Variants in CMTM4 observed in about 807,000 individuals in gnomAD.
CMTM4 encodes CKLF like MARVEL transmembrane domain containing 4, also known as CKLF-like MARVEL transmembrane domain-containing protein 4.
CMTM4 carries 8 observed loss-of-function variants against 19.0 expected under a neutral mutation model. The observed-to-expected ratio is 0.42, with a 90% CI of 0.25 to 0.76. CMTM4 has a LOEUF of 0.76. CMTM4 is among the 30% of genes least tolerant of loss of function. The pLI is 0.27. For missense variants in CMTM4, 228 were observed against 290.2 expected, an observed-to-expected ratio of 0.79 and a Z score of 1.56; for synonymous variants, 106 against 121.1, an observed-to-expected ratio of 0.88 and a Z score of 0.82.
At chr16:66,650,592 T>C (rs769906766) in intron 1 of CMTM4, among the ~76,000 whole-genome samples, 1 of 152,062 alleles carries the variant, frequency 6.6e-6, no homozygotes, top group Non-Finnish European at 1.5e-5. Flanking sequence ...ATATCCCTGG[T>C]CTTAGGGTAT....
chr16:66,608,118 T>A, the CMTM4 span, among the ~76,000 whole-genome samples: 1 of 152,154 alleles, frequency 6.6e-6, no homozygotes, highest in Non-Finnish European at 1.5e-5. The surrounding 1 kb of genome is among the most constrained non-coding windows in gnomAD (Gnocchi z 5.1). Flanking sequence ...AGTGCTAGGA[T>A]TACAGGTGTG....
Position 66,620,031 on chromosome 16 carries a change from G to A in CMTM4, c.*2027C>T, listed in dbSNP as rs1208238499. On this transcript the variant is annotated 3_prime_UTR_variant, in exon 4 of 4. Coordinates refer to ENST00000394106, the MANE Select transcript of CMTM4 (RefSeq NM_181521.3). Reference sequence around the variant, plus strand: ...GATGATCAAGTGGTTTTACTGAAGTGAGCTGGGAAAACTTGGGCAACAAGC... The same window carrying A: ...GATGATCAAGTGGTTTTACTGAAGTAAGCTGGGAAAACTTGGGCAACAAGC... 1.0e-6 allele frequency: 1 copy of A among 985,308 alleles called. No homozygotes were observed. The highest frequency in any genetic ancestry group is 6.1e-5 in the Admixed American group (1 of 16,264). The allele number at this position is 985,308 out of a possible 1,614,324, so 61.0% of individuals were successfully genotyped here.
intron 1 of CMTM4, among the ~76,000 whole-genome samples, chr16:66,671,340 G>A (rs28422092): frequency 0.093 from 14,155 of 152,232 alleles, 912 homozygotes; most frequent in East Asian, 0.25. Context: ...AAGGAGACCT[G>A]TAAGTGATGG....
intron 1 of CMTM4, among the ~76,000 whole-genome samples, chr16:66,662,506 C>CT (rs572497967): frequency 2.6e-5 from 4 of 151,782 alleles, no homozygotes; most frequent in Non-Finnish European, 5.9e-5. Context: ...TTCCTTTTAA[C>CT]TTTTTTTTTC....
chr16:66,680,218 C>T (rs1228425089), intron 1 of CMTM4, among the ~76,000 whole-genome samples: 1 of 152,150 alleles, frequency 6.6e-6, no homozygotes, highest in African/African-American at 2.4e-5. Context: ...GTGGCTCATG[C>T]CTATAATCTC....
chr16:66,687,138 C>CTTTTTTTTTTTTTTTTTT (rs35098269), intron 1 of CMTM4, among the ~76,000 whole-genome samples: 1 of 131,304 alleles, frequency 7.6e-6, no homozygotes, highest in Non-Finnish European at 1.6e-5. Flanking sequence ...GTGCAGAATG[C>CTTTTTTTTTTTTTTTTTT]TTTTTTTTTT....
intron 2 of CMTM4, among the ~76,000 whole-genome samples, chr16:66,626,809 T>C (rs373723626): frequency 6.1e-5 from 9 of 147,592 alleles, no homozygotes; most frequent in East Asian, 2.1e-4. Context: ...AAAAAGAAAA[T>C]CATATTGGGG....
At chr16:66,609,426 T>G in the CMTM4 span, 1 of 1,610,912 alleles carries the variant, frequency 6.2e-7, no homozygotes, top group Non-Finnish European at 8.5e-7. This position sits in a 1 kb window ranked among gnomAD's most constrained non-coding sequence, Gnocchi z 4.4. Flanking sequence ...CATGCCCCTC[T>G]CTCCCCAGGA....
In CMTM4 at chr16:66,696,558, T is replaced by C; in HGVS notation, c.-33A>G. The C allele has an allele frequency of 2.6e-6, 3 of 1,150,878 alleles. No homozygotes were observed. Among genetic ancestry groups the C allele is most frequent in the Non-Finnish European group, 3.2e-6 (3 of 936,062 alleles). 71.3% of individuals were successfully genotyped at this position (1,150,878 alleles called of 1,614,324 possible). On this transcript the variant is annotated 5_prime_UTR_variant, in exon 1 of 4. Coordinates refer to ENST00000394106, the MANE Select transcript of CMTM4 (RefSeq NM_181521.3). The surrounding 1 kb of genome is among the most constrained non-coding windows in gnomAD (Gnocchi z 4.3). Reference sequence around the variant, plus strand: ...CCCGGCCCGGGCCGCCTCGCGCGGCTGGCTCCCGGCGCCAGGAGCGGGCGG... The same window carrying C: ...CCCGGCCCGGGCCGCCTCGCGCGGCCGGCTCCCGGCGCCAGGAGCGGGCGG...
intron 1 of CMTM4, among the ~76,000 whole-genome samples, chr16:66,672,300 T>C (rs2016722618): frequency 6.7e-6 from 1 of 149,216 alleles, no homozygotes; most frequent in Non-Finnish European, 1.5e-5. Flanking sequence ...AGCTTCTCAG[T>C]AGGCTGAAGC....
chr16:66,633,859 A>C (rs1449483875), intron 2 of CMTM4, among the ~76,000 whole-genome samples: 1 of 152,076 alleles, frequency 6.6e-6, no homozygotes, highest in South Asian at 2.1e-4. Context: ...AGTTCATGTA[A>C]GGTATATGCC....
chr16:66,661,323 T>C (rs1219748236), intron 1 of CMTM4, among the ~76,000 whole-genome samples: 7 of 152,122 alleles, frequency 4.6e-5, no homozygotes, highest in Non-Finnish European at 7.4e-5. Flanking sequence ...TACAGGAATA[T>C]AGAGTAGGGA....
At chr16:66,608,695 C>A in the CMTM4 span, among the ~76,000 whole-genome samples, 1 of 152,292 alleles carries the variant, frequency 6.6e-6, no homozygotes, top group South Asian at 2.1e-4. This position sits in a 1 kb window ranked among gnomAD's most constrained non-coding sequence, Gnocchi z 5.1. Context: ...GGCAGGGAAC[C>A]CGGAGAGGGG....
the CMTM4 span, chr16:66,605,156 C>T: frequency 2.2e-6 from 1 of 462,722 alleles, no homozygotes; most frequent in Non-Finnish European, 3.7e-6. This position sits in a 1 kb window ranked among gnomAD's most constrained non-coding sequence, Gnocchi z 4.6. Context: ...GGCCCGAGCC[C>T]AGGCCATCCG....
Position 66,696,207 on chromosome 16 carries a change from G to T in CMTM4, c.186+133C>A. Reference sequence around the variant, plus strand: ...CTGCAGAGTGGTCCCGGGACCCCACGAGGGAGAGGGGGCGCGAGGAGCGGG... The same window carrying T: ...CTGCAGAGTGGTCCCGGGACCCCACTAGGGAGAGGGGGCGCGAGGAGCGGG... On this transcript the variant is annotated intron_variant, in intron 1 of 3. Transcript: ENST00000394106. This position sits in a 1 kb window ranked among gnomAD's most constrained non-coding sequence, Gnocchi z 4.3. 1 of 571,964 alleles carries T rather than the reference G, an allele frequency of 1.7e-6. No homozygotes were observed. The highest frequency in any genetic ancestry group is 2.5e-6 in the Non-Finnish European group (1 of 392,440). 35.4% of individuals were successfully genotyped at this position (571,964 alleles called of 1,614,324 possible).
intron 2 of CMTM4, among the ~76,000 whole-genome samples, chr16:66,631,656 T>C (rs1219868595): frequency 6.6e-6 from 1 of 152,168 alleles, no homozygotes; most frequent in African/African-American, 2.4e-5. Context: ...CTCTGAAACA[T>C]GTGCTGTGTC....
Position 66,621,785 on chromosome 16 carries a change from A to T in CMTM4, c.*273T>A. The T allele has an allele frequency of 7.8e-7, 1 of 1,282,096 alleles. No homozygotes were observed. The highest frequency in any genetic ancestry group is 9.9e-7 in the Non-Finnish European group (1 of 1,007,274). 79.4% of individuals were successfully genotyped at this position (1,282,096 alleles called of 1,614,324 possible). A position where few individuals can be genotyped will look rare whatever the true frequency, so the allele number is the denominator to read the frequency against. ...ACACGACAAGGTGGCTCAGAGTCAA[A>T]GGAAGCCTGTGCTTCAGGGCAGGTA... is the stretch of plus-strand genomic sequence containing the variant. On this transcript the variant is annotated 3_prime_UTR_variant, in exon 4 of 4. Transcript: ENST00000394106.
At chr16:66,683,171 A>ACG (rs1567432184) in intron 1 of CMTM4, among the ~76,000 whole-genome samples, 17 of 85,970 alleles carry the variant, frequency 2.0e-4, no homozygotes, top group Admixed American at 1.1e-3. Flanking sequence ...GTATATATAT[A>ACG]TATACATATG....
intron 1 of CMTM4, among the ~76,000 whole-genome samples, chr16:66,683,186 T>TAC (rs1234786575): frequency 3.3e-5 from 3 of 91,854 alleles, no homozygotes; most frequent in South Asian, 1.0e-3. Context: ...CATATGTATA[T>TAC]ATATATACAT....
Sources: gnomAD v4.1 joint callset for allele counts (sites outside exome capture counted in the v4.1 genomes callset) on GRCh38, gnomAD v4.1.1 for gene constraint, Gnocchi (gnomAD v3.1) non-coding constraint, MANE v1.5 for transcripts, NCBI Gene and HGNC (gene_info 2026-07-23, HGNC 2026-07-21) for gene names.